DGKA: variants seen among roughly 807,000 people sequenced by gnomAD.
DGKA encodes the protein 80 kDa diacylglycerol kinase.
Under a neutral mutation model 105.0 loss-of-function variants are expected in DGKA, and 35 were observed. That is an observed-to-expected ratio of 0.33 (90% CI 0.25 to 0.44). The LOEUF (loss-of-function observed/expected upper bound fraction) is 0.44. Ranked by LOEUF, DGKA falls within the 20% of genes least tolerant of loss-of-function variation. The pLI, the probability that DGKA is intolerant of heterozygous loss-of-function variation, is 1.00. For missense variants in DGKA, 665 were observed against 915.0 expected (o/e 0.73, Z 3.53); for synonymous variants, 296 against 332.0 (o/e 0.89, Z 1.18).
At chr12:55,941,473 C>T (rs765371018) in intron 14 of DGKA, 37 bp from the exon 15 acceptor site, 26 of 1,610,296 alleles carry the variant, frequency 1.6e-5, no homozygotes, top group Non-Finnish European at 1.9e-5. Flanking sequence ...CCCCAACCCC[C>T]GCGCCTGCCA....
At position 55,953,611 on chromosome 12, in the gene DGKA, T is replaced by A. The variant is rs2136427707; in HGVS notation, c.2125-74T>A. 4.6e-6 allele frequency: 7 copies of A among 1,513,180 alleles called. No individual in the cohort carries two copies. The South Asian group carries it at 7.9e-5, about 17-fold the overall frequency. The allele number at this position is 1,513,180 out of a possible 1,614,324, so 93.7% of individuals were successfully genotyped here. A position where few individuals can be genotyped will look rare whatever the true frequency, so the allele number is the denominator to read the frequency against. On this transcript the variant is annotated intron_variant, in intron 23 of 23. Coordinates refer to ENST00000331886, the MANE Select transcript of DGKA (RefSeq NM_001345.5). ...GCAACCCACCCCAAACCCCACAGAT[T>A]TCCCTCTAAATCTCTGAAGCCACAG...
At chr12:55,953,487 T>C in intron 23 of DGKA, 77 bp downstream of exon 23, 1 of 1,484,274 alleles carries the variant, frequency 6.7e-7, no homozygotes, top group Non-Finnish European at 9.4e-7. Context: ...ACAGCTTCTT[T>C]ACACCCTTCT....
intron 1 of DGKA, chr12:55,933,002 G>T (rs554726683): frequency 6.0e-6 from 1 of 166,590 alleles, no homozygotes; most frequent in Non-Finnish European, 1.3e-5. Context: ...AGTAATGGTC[G>T]ACTTAAAGGA....
Position 55,937,892 on chromosome 12 carries a change from A to G in DGKA, c.275-86A>G, listed in dbSNP as rs1033916448. ...AAAATCAGTAAATCTTTTTTTTAAA[A>G]AAAGGGAGAGGTGGGACAAACAAAG... On this transcript the variant is annotated intron_variant, in intron 4 of 23. Transcript: ENST00000331886. 44 of 1,229,372 alleles carry G rather than the reference A, an allele frequency of 3.6e-5. No homozygotes were observed. In the Admixed American group the frequency reaches 9.1e-4, roughly 26 times the overall value. The allele number at this position is 1,229,372 out of a possible 1,614,324, so 76.2% of individuals were successfully genotyped here.
chr12:55,944,787 CATTTATTTATTTTT>C (rs1372892878), intron 17 of DGKA, among the ~76,000 whole-genome samples: 3 of 151,996 alleles, frequency 2.0e-5, no homozygotes, highest in Non-Finnish European at 4.4e-5. Context: ...TTCATTTATT[CATTTATTTATTTTT>C]ATTTATTTAT....
At position 55,932,889 on chromosome 12, in the gene DGKA, T is replaced by C. The variant is rs1207594319; in HGVS notation, c.-82+1545T>C. The C allele has an allele frequency of 1.9e-5, 6 of 317,416 alleles. No homozygotes were observed. In the East Asian group the frequency reaches 2.7e-4, roughly 15 times the overall value. 19.7% of individuals were successfully genotyped at this position (317,416 alleles called of 1,614,324 possible). ...GAGGAGGATACAGTCTATGATGTGA[T>C]TAAGGAATTCAGAAGTCCAGGTAAT... On this transcript the variant is annotated intron_variant, in intron 1 of 23. Transcript: ENST00000331886. The surrounding 1 kb of genome is among the most constrained non-coding windows in gnomAD (Gnocchi z 4.3).
chr12:55,948,112 A>T (rs985225593), intron 17 of DGKA, among the ~76,000 whole-genome samples: 1 of 151,546 alleles, frequency 6.6e-6, no homozygotes, highest in African/African-American at 2.4e-5. Context: ...TTAATAGTAA[A>T]ATGTTCATGC....
chr12:55,947,794 T>C (rs952686479), intron 17 of DGKA, among the ~76,000 whole-genome samples: 9 of 152,138 alleles, frequency 5.9e-5, no homozygotes, highest in African/African-American at 2.2e-4. Context: ...TTATTTTATT[T>C]TATTTATTTT....
intron 5 of DGKA, 146 bp downstream of exon 5, chr12:55,938,198 G>A (rs1885154529): frequency 1.3e-6 from 1 of 754,498 alleles, no homozygotes; most frequent in Admixed American, 2.4e-5. Flanking sequence ...CATTTCCTGT[G>A]TTCTCCCAGA....
chr12:55,942,397 A>T lies in DGKA; in HGVS notation c.1426+134A>T, dbSNP rs111851663. 1.9e-3 allele frequency: 1,524 copies of T among 796,316 alleles called. 28 individuals carry two copies. In the African/African-American group the frequency reaches 0.024, roughly 13 times the overall value. The allele number at this position is 796,316 out of a possible 1,614,324, so 49.3% of individuals were successfully genotyped here. ...GAGGGGCACAGACAGGTGGATACAA[A>T]AGTGGAATGTCCAAAAAGAAGAGAG... On this transcript the variant is annotated intron_variant, in intron 17 of 23. Coordinates refer to ENST00000331886, the MANE Select transcript of DGKA (RefSeq NM_001345.5).
rs1248850319 is a variant in DGKA, at chr12:55,932,634, ACATCCCCCAACCATGCCAGTATCG to A, written c.-82+1291_-82+1314del. On this transcript the variant is annotated intron_variant, in intron 1 of 23. Coordinates refer to ENST00000331886, the MANE Select transcript of DGKA (RefSeq NM_001345.5). This position sits in a 1 kb window ranked among gnomAD's most constrained non-coding sequence, Gnocchi z 4.3. ...CTTCAGCCTCAGCACAGACAAGCCC[ACATCCCCCAACCATGCCAGTATCG>A]TAACTTCCTCCTATACTACGCAATG... 1.4e-6 allele frequency: 1 copy of A among 701,850 alleles called. No homozygotes were observed. The highest frequency in any genetic ancestry group is 2.6e-6 in the Non-Finnish European group (1 of 384,584). 43.5% of individuals were successfully genotyped at this position (701,850 alleles called of 1,614,324 possible).
chr12:55,937,190 C>A (rs1884924455), intron 3 of DGKA, 100 bp downstream of exon 3: 15 of 1,368,162 alleles, frequency 1.1e-5, no homozygotes, highest in Non-Finnish European at 1.4e-5. Flanking sequence ...CCCTCACTAT[C>A]CCCTCTAGAG....
In DGKA at chr12:55,949,902, C is replaced by T. The variant is rs901319202; in HGVS notation, c.1427-1721C>T. ...GTGAGCTCACAGCTCACCACAGCCT[C>T]GAACTCCTAGGCTCATGCAATCCTC... is the stretch of plus-strand genomic sequence containing the variant. On this transcript the variant is annotated intron_variant, in intron 17 of 23. Transcript: ENST00000331886. Among the ~76,000 whole-genome samples the T allele has an allele frequency of 2.6e-5, 4 of 152,124 alleles. 1 individual carries two copies. The highest frequency in any genetic ancestry group is 6.8e-3 in the Middle Eastern group (2 of 294).
rs1592651704 is a variant in DGKA, at chr12:55,931,345, G to A, written c.-82+1G>A. ...CTGTGCCACCTGCCAAGACCAGCAG[G>A]TAAAGTGGGAGGATGAGGGCGTGGA... On this transcript the variant is annotated splice_donor_variant, in intron 1 of 23. Coordinates refer to ENST00000331886, the MANE Select transcript of DGKA (RefSeq NM_001345.5). LOFTEE classifies it low-confidence loss of function (5UTR_SPLICE). 6.6e-6 allele frequency: 1 copy of A among 152,438 alleles called. No homozygotes were observed. The highest frequency in any genetic ancestry group is 1.5e-5 in the Non-Finnish European group (1 of 68,098). The allele number at this position is 152,438 out of a possible 1,614,324, so 9.4% of individuals were successfully genotyped here. A position where few individuals can be genotyped will look rare whatever the true frequency, so the allele number is the denominator to read the frequency against.
Position 55,952,269 on chromosome 12 carries a change from G to C in DGKA, c.1653-72G>C, listed in dbSNP as rs1888317737. The C allele has an allele frequency of 1.9e-6, 3 of 1,548,984 alleles. No homozygotes were observed. The highest frequency in any genetic ancestry group is 1.8e-6 in the Non-Finnish European group (2 of 1,121,094). On this transcript the variant is annotated intron_variant, in intron 19 of 23. Transcript: ENST00000331886. This position sits in a 1 kb window ranked among gnomAD's most constrained non-coding sequence, Gnocchi z 5.1. ...AGTTAGGAGGTTGATGCCCTTCCCT[G>C]TCACGTACCACCCCTGCCAGCACTG...
rs1886165232 is a variant in DGKA, at chr12:55,942,212, T to C, written c.1375T>C (p.Leu459=). The change falls in exon 17 of 24, where the codon TTG becomes CTG. Residue 459 remains leucine (L), a synonymous_variant. Coordinates refer to ENST00000331886, the MANE Select transcript of DGKA (RefSeq NM_001345.5). The part of the protein sequence containing the change: ...NLPVLPPVAV[L]PLGTGNDLAR... ...GCCAGTTTTGCCTCCTGTTGCTGTG[T>C]TGCCCCTGGGTACTGGAAATGATCT... 6 of 1,614,130 alleles carry C rather than the reference T, an allele frequency of 3.7e-6. No homozygotes were observed. The highest frequency in any genetic ancestry group is 4.2e-6 in the Non-Finnish European group (5 of 1,180,054).
At chr12:55,941,606 T>C (rs749098403) in intron 15 of DGKA, 22 bp downstream of exon 15, 2 of 1,612,322 alleles carry the variant, frequency 1.2e-6, no homozygotes, top group Admixed American at 1.7e-5. Flanking sequence ...TTAGGGACTG[T>C]ATCACAGTGT....
chr12:55,936,338 G>A, intron 1 of DGKA, 85 bp from the exon 2 acceptor site: 1 of 1,377,438 alleles, frequency 7.3e-7, no homozygotes, highest in Non-Finnish European at 9.6e-7. Flanking sequence ...ATAATAGTGG[G>A]AGTAGAGACA....
intron 17 of DGKA, among the ~76,000 whole-genome samples, chr12:55,946,702 C>G (rs989391202): frequency 6.6e-6 from 1 of 152,170 alleles, no homozygotes; most frequent in African/African-American, 2.4e-5. Context: ...CTTTGAGAAG[C>G]TAGTATTCTG....
Sources: allele counts gnomAD v4.1 joint callset (sites outside exome capture counted in the v4.1 genomes callset), GRCh38; gene constraint gnomAD v4.1.1; non-coding constraint Gnocchi (gnomAD v3.1); transcripts MANE v1.5; gene names NCBI Gene and HGNC (gene_info 2026-07-23, HGNC 2026-07-21).